The following GPR135 variants were observed in gnomAD, a reference collection of about 807,000 sequenced individuals.
GPR135 encodes the protein G-protein coupled receptor 135.
A neutral mutation model predicts 15.0 loss-of-function variants in GPR135; 17 were observed. That is an observed-to-expected ratio of 1.13 (90% CI 0.78 to 1.70). GPR135 has a LOEUF of 1.70. Among genes scored for constraint, GPR135 ranks in the 40% most tolerant of loss-of-function variants. The pLI is 0.00. For synonymous variants in GPR135, 368 were observed against 349.4 expected (o/e 1.05, Z -0.59); for missense variants, 776 against 727.0 (o/e 1.07, Z -0.78).
Position 59,464,337 on chromosome 14 carries a change from T to C in GPR135, c.890A>G (p.His297Arg), listed in dbSNP as rs1889007342. Residue 297 changes from histidine to arginine, a missense_variant, in exon 1 of 1, where the codon CAC (histidine) becomes CGC (arginine). His to Arg is a conservative substitution (Grantham distance 29, BLOSUM62 0). Transcript: ENST00000395116. ...LLPFLLMCFC[H>R]YHICKTVRLS... is the part of the protein sequence containing the mutation. The stretch of plus-strand genomic sequence containing the variant: ...GCGCACCGTCTTGCAGATGTGGTAG[T>C]GGCAGAAGCACATGAGCAGGAAGGG... The C allele has an allele frequency of 1.2e-6, 2 of 1,610,118 alleles. No homozygotes were observed. Among genetic ancestry groups the C allele is most frequent in the Admixed American group, 1.7e-5 (1 of 59,828 alleles).
At chr14:59,454,655 TC>T (rs1888594245) in intron 6 of GPR135, among the ~76,000 whole-genome samples, 1 of 152,120 alleles carries the variant, frequency 6.6e-6, no homozygotes, top group South Asian at 2.1e-4. Flanking sequence ...AACAGAGAGG[TC>T]TTTGGTTTGT....
At position 59,464,466 on chromosome 14, in the gene GPR135, G is replaced by C; in HGVS notation, c.761C>G (p.Ala254Gly). 1 of 1,548,610 alleles carries C rather than the reference G, an allele frequency of 6.5e-7. No individual in the cohort carries two copies. Among genetic ancestry groups the C allele is most frequent in the Non-Finnish European group, 8.7e-7 (1 of 1,151,846 alleles). The change falls in exon 1 of 1, where the codon GCG becomes GGG. Residue 254 changes from alanine (A) to glycine (G), a missense_variant. Physicochemically the swap from Ala to Gly is moderately conservative, Grantham distance 60. Transcript: ENST00000395116. The stretch of plus-strand genomic sequence containing the variant: ...GCAGCCGTGGAAGCTCTGCGCCGCC[G>C]CGAGTTCCCGGGGCGCCCCGAGCAG... ...WELLGAPREL[A>G]AAQSFHGCLY... is the part of the protein sequence containing the mutation.
chr14:59,460,867 A>T lies in GPR135; in HGVS notation c.*2875T>A, dbSNP rs1426748341. On this transcript the variant is annotated 3_prime_UTR_variant, in exon 1 of 1. Coordinates refer to ENST00000395116, the MANE Select transcript of GPR135 (RefSeq NM_022571.6). ...TTGCATACTCATAGTAAGCACAACGAAAGGTCGAAGTCTTAGATTATTTTG... is the reference window on the plus strand; with the variant it reads ...TTGCATACTCATAGTAAGCACAACGTAAGGTCGAAGTCTTAGATTATTTTG... The T allele has an allele frequency of 6.6e-6, 1 of 152,218 alleles. No individual in the cohort carries two copies. Among genetic ancestry groups the T allele is most frequent in the Non-Finnish European group, 1.5e-5 (1 of 68,046 alleles). 9.4% of individuals were successfully genotyped at this position (152,218 alleles called of 1,614,324 possible).
Position 59,465,150 on chromosome 14 carries a change from G to A in GPR135, c.77C>T (p.Ala26Val), listed in dbSNP as rs559894761. 2.2e-6 allele frequency: 3 copies of A among 1,344,330 alleles called. No homozygotes were observed. The highest frequency in any genetic ancestry group is 4.0e-5 in the South Asian group (2 of 50,276). 83.3% of individuals were successfully genotyped at this position (1,344,330 alleles called of 1,614,324 possible). A position where few individuals can be genotyped will look rare whatever the true frequency, so the allele number is the denominator to read the frequency against. Residue 26 changes from alanine to valine, a missense_variant, in exon 1 of 1, where the codon GCG becomes GTG. By Grantham distance (64) the Ala-to-Val change is moderately conservative (BLOSUM62 0). Coordinates refer to ENST00000395116, the MANE Select transcript of GPR135 (RefSeq NM_022571.6). The part of the protein sequence containing the change: ...LGSQHSGAPS[A>V]AGPPGGTSSA... Reference sequence around the variant, plus strand: ...GGAAGTCCCGCCAGGTGGGCCGGCCGCGGAGGGGGCGCCGGAGTGCTGGCT... The same window carrying A: ...GGAAGTCCCGCCAGGTGGGCCGGCCACGGAGGGGGCGCCGGAGTGCTGGCT...
At chr14:59,455,104 A>G (rs1888610643) in intron 6 of GPR135, among the ~76,000 whole-genome samples, 1 of 152,100 alleles carries the variant, frequency 6.6e-6, no homozygotes, top group Non-Finnish European at 1.5e-5. Context: ...ATCTCAAAAA[A>G]AAAAAAAATC....
chr14:59,463,782 G>A lies in GPR135; in HGVS notation c.1445C>T (p.Thr482Ile), dbSNP rs148785368. ...EGPPEPVTAV[T>I]KQPKSEAGDT... ...CCCAGCTTCGGATTTAGGCTGTTTG[G>A]TCACTGCCGTCACCGGCTCTGGTGG... The change falls in exon 1 of 1, where the codon ACC becomes ATC. Residue 482 changes from threonine (T) to isoleucine (I), a missense_variant. Coordinates refer to ENST00000395116, the MANE Select transcript of GPR135 (RefSeq NM_022571.6). 73 of 1,612,094 alleles carry A rather than the reference G, an allele frequency of 4.5e-5. No individual in the cohort carries two copies. Among genetic ancestry groups the A allele is most frequent in the Admixed American group, 8.4e-5 (5 of 59,854 alleles).
Position 59,465,077 on chromosome 14 carries a change from C to A in GPR135, c.150G>T (p.Ala50=). The A allele has an allele frequency of 7.3e-7, 1 of 1,374,660 alleles. No homozygotes were observed. 85.2% of individuals were successfully genotyped at this position (1,374,660 alleles called of 1,614,324 possible). The stretch of plus-strand genomic sequence containing the variant: ...TTGCGTCGCTCAGGTTCCCCAGCGC[C>A]GCGGTCGCCACGGTGCTGAAGGAGA... ...AVLSFSTVAT[A]ALGNLSDASG... Residue 50 remains alanine (A), a synonymous_variant, in exon 1 of 1, where the codon GCG becomes GCT. Transcript: ENST00000395116.
In GPR135 at chr14:59,465,154, AG is replaced by A. The variant is rs1319185899; in HGVS notation, c.72del (p.Ser25ProfsTer31). On this transcript the variant is annotated frameshift_variant, in exon 1 of 1. Coordinates refer to ENST00000395116, the MANE Select transcript of GPR135 (RefSeq NM_022571.6). LOFTEE classifies it high-confidence loss of function. The part of the protein sequence containing the change: ...ALLGSQHSGA[P>X]SAAGPPGGTS... Reference sequence around the variant, plus strand: ...GTCCCGCCAGGTGGGCCGGCCGCGGAGGGGGCGCCGGAGTGCTGGCTGCCCA... The same window carrying A: ...GTCCCGCCAGGTGGGCCGGCCGCGGAGGGGCGCCGGAGTGCTGGCTGCCCA... 1.3e-5 allele frequency: 17 copies of A among 1,342,438 alleles called. No homozygotes were observed. In the African/African-American group the frequency reaches 1.5e-4, roughly 12 times the overall value. 83.2% of individuals were successfully genotyped at this position (1,342,438 alleles called of 1,614,324 possible). A position where few individuals can be genotyped will look rare whatever the true frequency, so the allele number is the denominator to read the frequency against.
chr14:59,454,696 G>A (rs916745536), intron 6 of GPR135, among the ~76,000 whole-genome samples: 73 of 152,188 alleles, frequency 4.8e-4, no homozygotes, highest in African/African-American at 1.8e-3. Context: ...TAAATAGGAA[G>A]GTTTTAAATC....
In GPR135 at chr14:59,465,011, A is replaced by C. The variant is rs1889089311; in HGVS notation, c.216T>G (p.Leu72=). The C allele has an allele frequency of 2.2e-6, 3 of 1,339,222 alleles. No individual in the cohort carries two copies. The highest frequency in any genetic ancestry group is 1.9e-6 in the Non-Finnish European group (2 of 1,049,334). The allele number at this position is 1,339,222 out of a possible 1,614,324, so 83.0% of individuals were successfully genotyped here. A position where few individuals can be genotyped will look rare whatever the true frequency, so the allele number is the denominator to read the frequency against. The part of the protein sequence containing the change: ...GTAAAPGGGG[L]GGSGAAREAG... Reference sequence around the variant, plus strand: ...CCTCCCGCGCTGCCCCGGACCCGCCAAGGCCGCCGCCACCGGGAGCGGCAG... The same window carrying C: ...CCTCCCGCGCTGCCCCGGACCCGCCCAGGCCGCCGCCACCGGGAGCGGCAG... The change falls in exon 1 of 1, where the codon CTT becomes CTG. Residue 72 remains leucine, a synonymous_variant. Transcript: ENST00000395116.
chr14:59,464,524 G>T lies in GPR135; in HGVS notation c.703C>A (p.Leu235Met). ...GGCAAGGAGAAGCCCAGGGCCGTCA[G>T]CCAGGCGCCCGCCAGCAGCTGCAGC... ...RALQLLAGAW[L>M]TALGFSLPWE... Residue 235 changes from leucine to methionine, a missense_variant, in exon 1 of 1, where the codon CTG becomes ATG. Physicochemically the swap from Leu to Met is conservative, Grantham distance 15. Coordinates refer to ENST00000395116, the MANE Select transcript of GPR135 (RefSeq NM_022571.6). 1 of 1,540,510 alleles carries T rather than the reference G, an allele frequency of 6.5e-7. No individual in the cohort carries two copies. Among genetic ancestry groups the T allele is most frequent in the Non-Finnish European group, 8.7e-7 (1 of 1,153,912 alleles).
rs1004095381 is a variant in GPR135 at position 59,463,503 on chromosome 14, A to G, written c.*239T>C. The G allele has an allele frequency of 1.2e-5, 6 of 516,502 alleles. No individual in the cohort carries two copies. Among genetic ancestry groups the G allele is most frequent in the African/African-American group, 9.6e-5 (5 of 51,826 alleles). 32.0% of individuals were successfully genotyped at this position (516,502 alleles called of 1,614,324 possible). A position where few individuals can be genotyped will look rare whatever the true frequency, so the allele number is the denominator to read the frequency against. ...TATTTTTGTCATTTTTGGCACTTAC[A>G]GTTCACAATGCTTGGTTATGTGGTT... On this transcript the variant is annotated 3_prime_UTR_variant, in exon 1 of 1. Transcript: ENST00000395116.
exon 6 of GPR135, chr14:59,455,696 G>C (rs577021093): frequency 2.1e-5 from 3 of 139,632 alleles, no homozygotes; most frequent in African/African-American, 8.6e-5. Context: ...CACCATGTGG[G>C]CTCCTCCATA....
chr14:59,459,254 A>C (rs182778412), downstream of GPR135, among the ~76,000 whole-genome samples: 1 of 152,354 alleles, frequency 6.6e-6, no homozygotes, highest in Non-Finnish European at 1.5e-5. Flanking sequence ...ATTTTGATTT[A>C]TTGACCCAAC....
chr14:59,465,354 G>T lies in GPR135; in HGVS notation c.-128C>A. The T allele has an allele frequency of 3.2e-6, 2 of 629,016 alleles. No individual in the cohort carries two copies. The highest frequency in any genetic ancestry group is 4.5e-6 in the Non-Finnish European group (2 of 443,408). 39.0% of individuals were successfully genotyped at this position (629,016 alleles called of 1,614,324 possible). ...AGCTGGGCTCGGCCGGAGGGGTGGC[G>T]GTCGCTGGGGACCTGGCGGAGCCTT... On this transcript the variant is annotated 5_prime_UTR_variant, in exon 1 of 1. Coordinates refer to ENST00000395116, the MANE Select transcript of GPR135 (RefSeq NM_022571.6).
chr14:59,458,704 G>A (rs921822077), downstream of GPR135, among the ~76,000 whole-genome samples: 3 of 152,104 alleles, frequency 2.0e-5, no homozygotes, highest in South Asian at 2.1e-4. Flanking sequence ...CAGCTTGCCC[G>A]TTCAAGCATG....
chr14:59,453,188 T>A (rs966775413), intron 6 of GPR135, among the ~76,000 whole-genome samples: 18 of 152,220 alleles, frequency 1.2e-4, no homozygotes, highest in Non-Finnish European at 1.8e-4. Context: ...CCATAGAATG[T>A]ACAACACGAA....
Position 59,465,111 on chromosome 14 carries a change from G to T in GPR135, c.116C>A (p.Ala39Glu), listed in dbSNP as rs1178777657. The T allele has an allele frequency of 4.3e-6, 6 of 1,382,686 alleles. No individual in the cohort carries two copies. The East Asian group carries it at 9.3e-5, about 21-fold the overall frequency. The allele number at this position is 1,382,686 out of a possible 1,614,324, so 85.7% of individuals were successfully genotyped here. Reference protein sequence around the residue: ...PPGGTSSAATAAVLSFSTVAT... With the variant: ...PPGGTSSAATEAVLSFSTVAT... Reference sequence around the variant, plus strand: ...CACGGTGCTGAAGGAGAGCACGGCCGCCGTGGCCGCGGAGGAAGTCCCGCC... The same window carrying T: ...CACGGTGCTGAAGGAGAGCACGGCCTCCGTGGCCGCGGAGGAAGTCCCGCC... Residue 39 changes from alanine to glutamate, a missense_variant, in exon 1 of 1, where the codon GCG (alanine) becomes GAG (glutamate). Physicochemically the swap from Ala to Glu is moderately radical, Grantham distance 107 (BLOSUM62 -1). Coordinates refer to ENST00000395116, the MANE Select transcript of GPR135 (RefSeq NM_022571.6).
downstream of GPR135, among the ~76,000 whole-genome samples, chr14:59,457,447 A>G (rs1400229535): frequency 6.6e-6 from 1 of 152,104 alleles, no homozygotes; most frequent in African/African-American, 2.4e-5. Flanking sequence ...GTCACATTAC[A>G]CATATATTAA....
Sources: gnomAD v4.1 joint callset for allele counts (sites outside exome capture counted in the v4.1 genomes callset) on GRCh38, gnomAD v4.1.1 for gene constraint, MANE v1.5 for transcripts, NCBI Gene and HGNC (gene_info 2026-07-23, HGNC 2026-07-21) for gene names.